Variants in PAQR9 observed in about 807,000 individuals in gnomAD.
PAQR9 encodes progestin and adipoQ receptor family member 9.
PAQR9 carries 12 observed loss-of-function variants against 24.0 expected under a neutral mutation model. The observed-to-expected ratio is 0.50, with a 90% CI of 0.32 to 0.81. PAQR9 has a LOEUF of 0.81. PAQR9 is among the 30% of genes least tolerant of loss of function. The pLI is 0.03. For missense variants in PAQR9, 418 were observed against 520.8 expected (o/e 0.80, Z 1.92); for synonymous variants, 266 against 237.6 (o/e 1.12, Z -1.10).
At position 142,957,568 on chromosome 3, in the gene PAQR9, G is replaced by GGTTT. The variant is rs72193243; in HGVS notation, c.*4631_*4634dup. Among the ~76,000 whole-genome samples, 3 of 151,516 alleles carry GGTTT rather than the reference G, an allele frequency of 2.0e-5. No individual in the cohort carries two copies. Among genetic ancestry groups the GGTTT allele is most frequent in the Non-Finnish European group, 4.4e-5 (3 of 68,000 alleles). On this transcript the variant is annotated 3_prime_UTR_variant, in exon 1 of 1. Coordinates refer to ENST00000340634, the MANE Select transcript of PAQR9 (RefSeq NM_198504.4). ...CATTTACCTTCTTATGTATGTGATT[G>GGTTT]GTTTGTTTGTTTGTTTTATTACACT...
downstream of PAQR9, chr3:142,951,671 A>C: frequency 2.2e-6 from 1 of 455,990 alleles, no homozygotes; most frequent in Non-Finnish European, 4.4e-6. Flanking sequence ...AATGTCTCTA[A>C]ATTGAGCAGG....
upstream of PAQR9, chr3:142,963,940 C>T: frequency 4.2e-6 from 4 of 954,760 alleles, no homozygotes; most frequent in Non-Finnish European, 5.0e-6. Flanking sequence ...CGGCGGCGCG[C>T]GCGCCGAGTA....
chr3:142,954,552 T>C (rs1263797723), downstream of PAQR9, among the ~76,000 whole-genome samples: 1 of 152,274 alleles, frequency 6.6e-6, no homozygotes, highest in Non-Finnish European at 1.5e-5. Flanking sequence ...AGATAACTGT[T>C]GGACATGCAC....
chr3:142,951,666 C>T, downstream of PAQR9: 2 of 455,582 alleles, frequency 4.4e-6, no homozygotes, highest in Non-Finnish European at 8.8e-6. Context: ...ATTAGAATGT[C>T]TCTAAATTGA....
In PAQR9 at chr3:142,963,593, C is replaced by T. The variant is rs1934960837; in HGVS notation, c.-257G>A. 2.3e-6 allele frequency: 2 copies of T among 878,456 alleles called. No individual in the cohort carries two copies. Among genetic ancestry groups the T allele is most frequent in the Non-Finnish European group, 1.4e-6 (1 of 733,612 alleles). 54.4% of individuals were successfully genotyped at this position (878,456 alleles called of 1,614,324 possible). ...GGCTCAGCGGCTTCCTCGCCAAGCCCCTGCTACCGGCGCGCGGCCGCCCGC... is the reference window on the plus strand; with the variant it reads ...GGCTCAGCGGCTTCCTCGCCAAGCCTCTGCTACCGGCGCGCGGCCGCCCGC... On this transcript the variant is annotated 5_prime_UTR_variant, in exon 1 of 1. Coordinates refer to ENST00000340634, the MANE Select transcript of PAQR9 (RefSeq NM_198504.4).
Position 142,962,051 on chromosome 3 carries a change from C to T in PAQR9, c.*152G>A. ...TCAAAGCCTCCAGTGGGTTGGGATCCCTTTGTAGCAGTGAACTTTTTCCCT... is the reference window on the plus strand; with the variant it reads ...TCAAAGCCTCCAGTGGGTTGGGATCTCTTTGTAGCAGTGAACTTTTTCCCT... On this transcript the variant is annotated 3_prime_UTR_variant, in exon 1 of 1. Coordinates refer to ENST00000340634, the MANE Select transcript of PAQR9 (RefSeq NM_198504.4). 1 of 925,082 alleles carries T rather than the reference C, an allele frequency of 1.1e-6. No individual in the cohort carries two copies. Among genetic ancestry groups the T allele is most frequent in the Non-Finnish European group, 1.6e-6 (1 of 610,956 alleles). The allele number at this position is 925,082 out of a possible 1,614,324, so 57.3% of individuals were successfully genotyped here. A position where few individuals can be genotyped will look rare whatever the true frequency, so the allele number is the denominator to read the frequency against.
downstream of PAQR9, chr3:142,952,687 C>T: frequency 2.2e-6 from 1 of 447,048 alleles, no homozygotes; most frequent in Non-Finnish European, 4.5e-6. Flanking sequence ...TGGCTTTCTT[C>T]TTATCTTGTC....
upstream of PAQR9, chr3:142,963,922 C>A (rs1341596314): frequency 1.0e-6 from 1 of 980,852 alleles, no homozygotes; most frequent in Non-Finnish European, 1.2e-6. Context: ...GCAGGCTGGT[C>A]GGCGACGCGG....
chr3:142,962,637 C>T lies in PAQR9; in HGVS notation c.700G>A (p.Asp234Asn), dbSNP rs1454428062. The T allele has an allele frequency of 6.2e-7, 1 of 1,611,418 alleles. No homozygotes were observed. The highest frequency in any genetic ancestry group is 1.1e-5 in the South Asian group (1 of 90,538). Residue 234 changes from aspartate (D) to asparagine (N), a missense_variant, in exon 1 of 1, where the codon GAC (aspartate) becomes AAC (asparagine). Coordinates refer to ENST00000340634, the MANE Select transcript of PAQR9 (RefSeq NM_198504.4). ...AGCGCGAACGGGTAGGTACACCAGT[C>T]GGTACGGCTCTTGCAGCAGGCCACA... The part of the protein sequence containing the change: ...CTVACCKSRT[D>N]WCTYPFALRT...
rs1354240183 is a variant in PAQR9, at chr3:142,955,107, A to G, written c.*7096T>C. ...AAAAAACAGACACATGAAGGTCTCT[A>G]TTTGATCACTGTTAACTCTTCCCTC... On this transcript the variant is annotated 3_prime_UTR_variant, in exon 1 of 1. Coordinates refer to ENST00000340634, the MANE Select transcript of PAQR9 (RefSeq NM_198504.4). Among the ~76,000 whole-genome samples, 2 of 152,170 alleles carry G rather than the reference A, an allele frequency of 1.3e-5. No homozygotes were observed. The highest frequency in any genetic ancestry group is 3.9e-4 in the East Asian group (2 of 5,182).
chr3:142,951,850 T>G (rs1283974357), downstream of PAQR9: 3 of 445,430 alleles, frequency 6.7e-6, no homozygotes. Context: ...AAAGGAAGAG[T>G]GTTTCAAAGA....
At chr3:142,953,533 C>T (rs1385918232), downstream of PAQR9, among the ~76,000 whole-genome samples, 1 of 152,142 alleles carries the variant, frequency 6.6e-6, no homozygotes, top group Non-Finnish European at 1.5e-5. Flanking sequence ...AACAGGGACC[C>T]CACACTGGTA....
downstream of PAQR9, among the ~76,000 whole-genome samples, chr3:142,953,319 G>A (rs1934745460): frequency 6.6e-6 from 1 of 152,140 alleles, no homozygotes; most frequent in African/African-American, 2.4e-5. Flanking sequence ...GTTTGCTGCT[G>A]TTCTAAGTGA....
rs138049970 is a variant in PAQR9, at chr3:142,958,299, A to G, written c.*3904T>C. Among the ~76,000 whole-genome samples, 25 of 152,342 alleles carry G rather than the reference A, an allele frequency of 1.6e-4. No homozygotes were observed. Among genetic ancestry groups the G allele is most frequent in the Non-Finnish European group, 2.5e-4 (17 of 68,032 alleles). On this transcript the variant is annotated 3_prime_UTR_variant, in exon 1 of 1. Transcript: ENST00000340634. ...GTTAGTCAATTAAGGGACTGTATCT[A>G]TATCTCTTTTTCCAATTAGTGTCTG...
downstream of PAQR9, among the ~76,000 whole-genome samples, chr3:142,953,931 T>C (rs1260754501): frequency 6.6e-6 from 1 of 152,198 alleles, no homozygotes; most frequent in Non-Finnish European, 1.5e-5. Flanking sequence ...CTAGTTTATC[T>C]GGTGGCAGAG....
chr3:142,963,889 C>G (rs567434917), upstream of PAQR9: 39 of 985,294 alleles, frequency 4.0e-5, no homozygotes, highest in South Asian at 1.2e-3. Context: ...CGGGCCGCCC[C>G]GTTAATGATT....
In PAQR9 at chr3:142,957,646, C is replaced by T. The variant is rs1338061039; in HGVS notation, c.*4557G>A. Among the ~76,000 whole-genome samples, 1 of 152,192 alleles carries T rather than the reference C, an allele frequency of 6.6e-6. No homozygotes were observed. The highest frequency in any genetic ancestry group is 6.5e-5 in the Admixed American group (1 of 15,286). Reference sequence around the variant, plus strand: ...CAATTTAGGCACTTTGGATGATCCACTCTTCATAATAGTATGAATACTATC... The same window carrying T: ...CAATTTAGGCACTTTGGATGATCCATTCTTCATAATAGTATGAATACTATC... On this transcript the variant is annotated 3_prime_UTR_variant, in exon 1 of 1. Transcript: ENST00000340634.
rs1934827398 is a variant in PAQR9, at chr3:142,958,343, A to G, written c.*3860T>C. ...GTGTCTGTGTGCTTGGCCAGGCATC[A>G]TAGCCATGCAAACTAGTAAACACAG... On this transcript the variant is annotated 3_prime_UTR_variant, in exon 1 of 1. Transcript: ENST00000340634. 6.6e-6 allele frequency among the ~76,000 whole-genome samples: 1 copy of G among 152,230 alleles called. No individual in the cohort carries two copies. The highest frequency in any genetic ancestry group is 1.5e-5 in the Non-Finnish European group (1 of 68,050).
downstream of PAQR9, chr3:142,950,513 C>A: frequency 2.4e-6 from 1 of 412,632 alleles, no homozygotes; most frequent in Non-Finnish European, 4.8e-6. Context: ...ACATCCCATA[C>A]TGGAAACTCT....
Sources: gnomAD v4.1 joint callset for allele counts (sites outside exome capture counted in the v4.1 genomes callset) on GRCh38, gnomAD v4.1.1 for gene constraint, MANE v1.5 for transcripts, NCBI Gene and HGNC (gene_info 2026-07-23, HGNC 2026-07-21) for gene names.